The following NFE2L2 variants were observed in gnomAD, a reference collection of about 807,000 sequenced individuals.
The protein encoded by NFE2L2 is NFE2 like bZIP transcription factor 2, also known as nuclear factor erythroid 2-related factor 2.
NFE2L2 carries 20 observed loss-of-function variants against 49.6 expected under a neutral mutation model. That is an observed-to-expected ratio of 0.40 (90% CI 0.28 to 0.59). NFE2L2 has a LOEUF of 0.59. NFE2L2 is among the 20% of genes least tolerant of loss of function. The probability of loss-of-function intolerance (pLI) is 0.40; values close to 1 mark genes in which losing one functional copy is unlikely to be tolerated. For missense variants in NFE2L2, 578 were observed against 714.2 expected (o/e 0.81, Z 2.17); for synonymous variants, 244 against 256.5 (o/e 0.95, Z 0.47).
intron 1 of NFE2L2, among the ~76,000 whole-genome samples, chr2:177,246,889 C>T (rs1220212997): frequency 4.6e-5 from 7 of 151,030 alleles, no homozygotes; most frequent in Admixed American, 2.0e-4. Context: ...TGAGCCACTG[C>T]ACCCAGACTT....
intron 1 of NFE2L2, among the ~76,000 whole-genome samples, chr2:177,251,312 T>C (rs1416473180): frequency 6.6e-6 from 1 of 152,186 alleles, no homozygotes; most frequent in Non-Finnish European, 1.5e-5. Context: ...CCTGTTTGGA[T>C]TTAGCCTTCC....
At chr2:177,257,552 T>C (rs1293738539) in intron 1 of NFE2L2, among the ~76,000 whole-genome samples, 1 of 152,216 alleles carries the variant, frequency 6.6e-6, no homozygotes, top group Admixed American at 6.5e-5. Context: ...AGCACTTGCT[T>C]TCATGATTTA....
rs1445558640 is a variant in NFE2L2 at position 177,259,483 on chromosome 2, G to A, written c.45+5049C>T. Among the ~76,000 whole-genome samples the A allele has an allele frequency of 3.3e-5, 5 of 152,220 alleles. No individual in the cohort carries two copies. The East Asian group carries it at 7.7e-4, about 23-fold the overall frequency. On this transcript the variant is annotated intron_variant, in intron 1 of 4. Transcript: ENST00000397062. Reference sequence around the variant, plus strand: ...ATGCCGTAAAAACGAATGATTAAACGTGCCTCCCCTACTCAAAGTTCTTAA... The same window carrying A: ...ATGCCGTAAAAACGAATGATTAAACATGCCTCCCCTACTCAAAGTTCTTAA...
intron 1 of NFE2L2, among the ~76,000 whole-genome samples, chr2:177,235,426 G>A (rs1018656730): frequency 6.6e-6 from 1 of 151,910 alleles, no homozygotes; most frequent in Non-Finnish European, 1.5e-5. Flanking sequence ...AACAAAGTGA[G>A]ACCCTGTCTC....
At chr2:177,233,149 T>C in intron 3 of NFE2L2, 101 bp downstream of exon 3, 1 of 1,006,392 alleles carries the variant, frequency 9.9e-7, no homozygotes, top group Non-Finnish European at 1.4e-6. Flanking sequence ...ATGTTTTTAT[T>C]CTTTTAAATG....
At chr2:177,249,152 G>A (rs1328338512) in intron 1 of NFE2L2, among the ~76,000 whole-genome samples, 1 of 152,042 alleles carries the variant, frequency 6.6e-6, no homozygotes, top group Non-Finnish European at 1.5e-5. Flanking sequence ...CCAGGAGGTT[G>A]AGGCTGCAGT....
At chr2:177,258,542 CTACTAAAT>C (rs1558992288) in intron 1 of NFE2L2, among the ~76,000 whole-genome samples, 1 of 152,078 alleles carries the variant, frequency 6.6e-6, no homozygotes, top group East Asian at 1.9e-4. Context: ...TATGAATAAA[CTACTAAAT>C]TCATAGGGTT....
At chr2:177,233,437 T>A in intron 2 of NFE2L2, 98 bp from the exon 3 acceptor site, 1 of 901,118 alleles carries the variant, frequency 1.1e-6, no homozygotes. Flanking sequence ...ATATTTATAA[T>A]CAAGTTAAGT....
At chr2:177,255,029 G>A (rs1019660143) in intron 1 of NFE2L2, among the ~76,000 whole-genome samples, 1 of 152,146 alleles carries the variant, frequency 6.6e-6, no homozygotes, top group Non-Finnish European at 1.5e-5. Flanking sequence ...CTCCATTACT[G>A]CACAATTTAC....
At chr2:177,233,935 A>G (rs766121596) in intron 2 of NFE2L2, 70 bp downstream of exon 2, 3 of 1,568,400 alleles carry the variant, frequency 1.9e-6, no homozygotes, top group South Asian at 1.2e-5. Context: ...TCAAATCCAG[A>G]TATTTTAATT....
chr2:177,242,529 A>C (rs1275090127), intron 1 of NFE2L2, among the ~76,000 whole-genome samples: 1 of 152,192 alleles, frequency 6.6e-6, no homozygotes, highest in East Asian at 1.9e-4. Context: ...TTTCCACTAG[A>C]AAGTGGTCCG....
At chr2:177,256,588 C>T (rs970720153) in intron 1 of NFE2L2, among the ~76,000 whole-genome samples, 1 of 151,304 alleles carries the variant, frequency 6.6e-6, no homozygotes, top group African/African-American at 2.4e-5. Context: ...TAACTGAAGT[C>T]CTTCTGTTTT....
chr2:177,232,170 T>G (rs1689576900), intron 4 of NFE2L2, 162 bp from the exon 5 acceptor site: 1 of 918,024 alleles, frequency 1.1e-6, no homozygotes, highest in Non-Finnish European at 1.6e-6. Flanking sequence ...TATTTACGCC[T>G]AAGCGTTATG....
intron 1 of NFE2L2, among the ~76,000 whole-genome samples, chr2:177,259,977 A>G (rs1254243954): frequency 6.6e-6 from 1 of 152,184 alleles, no homozygotes; most frequent in Non-Finnish European, 1.5e-5. Context: ...GAATGTTAAT[A>G]TTTAATATTA....
At chr2:177,247,235 T>C (rs1690163838) in intron 1 of NFE2L2, among the ~76,000 whole-genome samples, 1 of 152,186 alleles carries the variant, frequency 6.6e-6, no homozygotes, top group South Asian at 2.1e-4. Flanking sequence ...TCACACCTTG[T>C]ATCATATTGG....
chr2:177,252,857 A>G (rs1460298941), intron 1 of NFE2L2, among the ~76,000 whole-genome samples: 3 of 152,228 alleles, frequency 2.0e-5, no homozygotes, highest in Non-Finnish European at 4.4e-5. Flanking sequence ...ACACCTTGGC[A>G]GGAGCCCGCT....
At chr2:177,236,166 A>G (rs1302325456) in intron 1 of NFE2L2, among the ~76,000 whole-genome samples, 2 of 152,256 alleles carry the variant, frequency 1.3e-5, no homozygotes, top group Non-Finnish European at 2.9e-5. Context: ...CAGCTTCCCA[A>G]GGACGCAAAT....
At chr2:177,245,181 G>GT (rs1363059692) in intron 1 of NFE2L2, among the ~76,000 whole-genome samples, 1 of 151,910 alleles carries the variant, frequency 6.6e-6, no homozygotes, top group African/African-American at 2.4e-5. Flanking sequence ...TGACTTTTCA[G>GT]TTAGTATGAC....
chr2:177,248,629 G>A (rs930333840), intron 1 of NFE2L2, among the ~76,000 whole-genome samples: 2 of 152,252 alleles, frequency 1.3e-5, no homozygotes, highest in South Asian at 4.1e-4. Flanking sequence ...GGCTGGTCTC[G>A]ATCTCCTCAC....
Sources: allele counts gnomAD v4.1 joint callset (sites outside exome capture counted in the v4.1 genomes callset), GRCh38; gene constraint gnomAD v4.1.1; transcripts MANE v1.5; gene names NCBI Gene and HGNC (gene_info 2026-07-23, HGNC 2026-07-21).